The following DLGAP1 variants were observed in gnomAD, a reference collection of about 807,000 sequenced individuals.
DLGAP1 encodes the protein disks large-associated protein 1.
Under a neutral mutation model 90.8 loss-of-function variants are expected in DLGAP1, and 11 were observed. That is an observed-to-expected ratio of 0.12 (90% CI 0.08 to 0.20). DLGAP1 has a LOEUF of 0.20. Ranked by LOEUF, DLGAP1 falls within the 10% of genes least tolerant of loss-of-function variation. The probability of loss-of-function intolerance (pLI) is 1.00; values close to 1 mark genes in which losing one functional copy is unlikely to be tolerated. For synonymous variants in DLGAP1, 558 were observed against 540.7 expected (o/e 1.03, Z -0.44); for missense variants, 1,050 against 1,333.8 (o/e 0.79, Z 3.31).
At chr18:3,814,533 T>C (rs1053575774) in intron 4 of DLGAP1, among the ~76,000 whole-genome samples, 2 of 152,012 alleles carry the variant, frequency 1.3e-5, no homozygotes, top group African/African-American at 4.8e-5. Flanking sequence ...GGCTAATTAT[T>C]TGTATTTTCA....
In DLGAP1 at chr18:4,037,043, T is replaced by C. The variant is rs561557840; in HGVS notation, c.-158-31842A>G. Among the ~76,000 whole-genome samples the C allele has an allele frequency of 2.0e-4, 30 of 152,320 alleles. 2 individuals are homozygous for C. The South Asian group carries it at 6.0e-3, about 30-fold the overall frequency. ...TAGTAAGAGAGTTCATATTGTATAG[T>C]GCCACAGACTCTTTGCTCATTGATT... On this transcript the variant is annotated intron_variant, in intron 2 of 12. Transcript: ENST00000315677.
At chr18:3,569,242 T>C (rs67156507) in intron 8 of DLGAP1, among the ~76,000 whole-genome samples, 18,177 of 151,256 alleles carry the variant, frequency 0.12, 1,655 homozygotes, top group East Asian at 0.41. Context: ...CCTCGTGATT[T>C]GAGTGCCTCG....
chr18:4,316,749 T>G (rs1299529267), intron 1 of DLGAP1, among the ~76,000 whole-genome samples: 1 of 152,226 alleles, frequency 6.6e-6, no homozygotes, highest in African/African-American at 2.4e-5. Flanking sequence ...CACACTGTAC[T>G]GTGCCCCGAT....
At chr18:3,527,957 C>G (rs1453358405) in intron 10 of DLGAP1, among the ~76,000 whole-genome samples, 2 of 152,054 alleles carry the variant, frequency 1.3e-5, no homozygotes, top group Non-Finnish European at 2.9e-5. Flanking sequence ...GTGAAGTGTA[C>G]CATTCGGAGG....
At position 3,928,917 on chromosome 18, in the gene DLGAP1, G is replaced by A. The variant is rs142710009; in HGVS notation, c.-72-48777C>T. On this transcript the variant is annotated intron_variant, in intron 3 of 12. Coordinates refer to ENST00000315677, the MANE Select transcript of DLGAP1 (RefSeq NM_004746.4). ...GGGAGGTGATTGGCTTATCGAGGTG[G>A]TTTCTAATGTTTTAGCACCATCCCC... Among the ~76,000 whole-genome samples, 1,144 of 152,264 alleles carry A rather than the reference G, an allele frequency of 7.5e-3. 8 individuals are homozygous for A. Among genetic ancestry groups the A allele is most frequent in the Non-Finnish European group, 0.012 (791 of 68,022 alleles).
At chr18:3,664,816 T>C (rs924721647) in intron 7 of DLGAP1, among the ~76,000 whole-genome samples, 11 of 152,222 alleles carry the variant, frequency 7.2e-5, no homozygotes, top group Non-Finnish European at 1.5e-4. Context: ...GCAGAATAAA[T>C]ATTTGTTAAG....
Position 4,383,219 on chromosome 18 carries a change from A to C in DLGAP1, c.-267+71787T>G, listed in dbSNP as rs1457730548. On this transcript the variant is annotated intron_variant, in intron 1 of 12. Transcript: ENST00000315677. The surrounding 1 kb of genome is among the most constrained non-coding windows in gnomAD (Gnocchi z 4.0). ...CAAAACATTAAAACATTACCTGGGG[A>C]ATAATGTTCTAATATTCATCTAACT... 1.3e-5 allele frequency among the ~76,000 whole-genome samples: 2 copies of C among 152,184 alleles called. No individual in the cohort carries two copies. The highest frequency in any genetic ancestry group is 2.9e-5 in the Non-Finnish European group (2 of 68,018).
chr18:3,621,448 G>A (rs1401138272), intron 7 of DLGAP1, among the ~76,000 whole-genome samples: 1 of 152,140 alleles, frequency 6.6e-6, no homozygotes, highest in East Asian at 1.9e-4. Context: ...CAGCCTAAAG[G>A]TTTCTCTGTA....
chr18:4,071,237 CAT>C (rs113947957), intron 2 of DLGAP1, among the ~76,000 whole-genome samples: 123,781 of 151,512 alleles, frequency 0.82, 50,768 homozygotes, highest in East Asian at 0.94. Flanking sequence ...TAAAGATATA[CAT>C]GTGTGTGTGT....
intron 6 of DLGAP1, 125 bp downstream of exon 6, chr18:3,742,208 ACC>A: frequency 8.4e-7 from 1 of 1,185,832 alleles, no homozygotes; most frequent in Non-Finnish European, 1.2e-6. Context: ...ACTTGACTGG[ACC>A]TCCTGTCTGA....
chr18:3,986,682 A>T (rs868230133), intron 3 of DLGAP1: 1 of 152,248 alleles, frequency 6.6e-6, no homozygotes, highest in Non-Finnish European at 1.5e-5. Flanking sequence ...GAAGGAACAG[A>T]TACAGTCTCC....
At chr18:3,871,354 G>A (rs2070737397) in intron 4 of DLGAP1, among the ~76,000 whole-genome samples, 1 of 152,112 alleles carries the variant, frequency 6.6e-6, no homozygotes, top group African/African-American at 2.4e-5. Flanking sequence ...ATGACCTTCT[G>A]ATCAGGAGGT....
intron 1 of DLGAP1, among the ~76,000 whole-genome samples, chr18:4,295,603 C>CTATAA (rs2143136798): frequency 6.6e-6 from 1 of 152,266 alleles, no homozygotes; most frequent in African/African-American, 2.4e-5. Context: ...GGTCAAGGAC[C>CTATAA]TATAATACTA....
chr18:3,852,265 G>C (rs772606101), intron 4 of DLGAP1, among the ~76,000 whole-genome samples: 10 of 152,062 alleles, frequency 6.6e-5, no homozygotes, highest in Non-Finnish European at 1.2e-4. Context: ...TTTTTGAAAA[G>C]AATCCTTAAG....
intron 1 of DLGAP1, among the ~76,000 whole-genome samples, chr18:4,373,958 A>G (rs2081967522): frequency 6.6e-6 from 1 of 152,226 alleles, no homozygotes; most frequent in South Asian, 2.1e-4. Context: ...AAAGAAAAGA[A>G]AAAAGAACCT....
chr18:4,425,649 C>T (rs1567911935), intron 1 of DLGAP1, among the ~76,000 whole-genome samples: 2 of 152,124 alleles, frequency 1.3e-5, no homozygotes, highest in Non-Finnish European at 2.9e-5. Context: ...TTATTGAATA[C>T]CTGCTATTGT....
intron 5 of DLGAP1, among the ~76,000 whole-genome samples, chr18:3,805,490 TA>T (rs977793648): frequency 2.0e-5 from 3 of 152,202 alleles, no homozygotes; most frequent in Non-Finnish European, 4.4e-5. Context: ...TGAAAAATAG[TA>T]AAGCTGGAAG....
intron 8 of DLGAP1, 114 bp from the exon 9 acceptor site, chr18:3,567,695 A>T: frequency 1.1e-6 from 1 of 908,836 alleles, no homozygotes. Context: ...TTTGTAATTT[A>T]TAACCTCCTT....
intron 4 of DLGAP1, among the ~76,000 whole-genome samples, chr18:3,841,539 C>G (rs2068715985): frequency 6.6e-6 from 1 of 152,108 alleles, no homozygotes. Flanking sequence ...GGCAGTAAAT[C>G]ACGTGGAAAA....
Sources: allele counts gnomAD v4.1 joint callset (sites outside exome capture counted in the v4.1 genomes callset), GRCh38; gene constraint gnomAD v4.1.1; non-coding constraint Gnocchi (gnomAD v3.1); transcripts MANE v1.5; gene names NCBI Gene and HGNC (gene_info 2026-07-23, HGNC 2026-07-21).